PCLO: variants seen among roughly 807,000 people sequenced by gnomAD.
The protein encoded by PCLO is piccolo presynaptic cytomatrix protein.
A neutral mutation model predicts 427.5 loss-of-function variants in PCLO; 82 were observed. The observed-to-expected ratio is 0.19, with a 90% confidence interval of 0.16 to 0.23. The LOEUF is 0.23. PCLO is among the 10% of genes least tolerant of loss of function. The pLI, the probability that PCLO is intolerant of heterozygous loss-of-function variation, is 1.00. For synonymous variants in PCLO, 2,357 were observed against 2,155.4 expected, an observed-to-expected ratio of 1.09 and a Z score of -2.59; for missense variants, 6,239 against 6,115.9, an observed-to-expected ratio of 1.02 and a Z score of -0.67.
chr7:82,756,882 A>T lies in PCLO; in HGVS notation c.*1693T>A, dbSNP rs1583939602. 1.3e-5 allele frequency: 2 copies of T among 152,122 alleles called. No homozygotes were observed. The highest frequency in any genetic ancestry group is 4.8e-5 in the African/African-American group (2 of 41,442). The allele number at this position is 152,122 out of a possible 1,614,324, so 9.4% of individuals were successfully genotyped here. On this transcript the variant is annotated 3_prime_UTR_variant, in exon 25 of 25. Transcript: ENST00000333891. The stretch of plus-strand genomic sequence containing the variant: ...TTAAAGTTTATATTTTAAATAAAAA[A>T]TAAGTTTTGTGGCTAATTTACTGCT...
At chr7:82,924,901 C>T (rs1794678649) in intron 6 of PCLO, among the ~76,000 whole-genome samples, 1 of 152,114 alleles carries the variant, frequency 6.6e-6, no homozygotes, top group South Asian at 2.1e-4. Context: ...CATTTACATA[C>T]TGTTCACTGT....
intron 3 of PCLO, among the ~76,000 whole-genome samples, chr7:83,036,965 A>G (rs1313407589): frequency 6.6e-6 from 1 of 152,106 alleles, no homozygotes; most frequent in East Asian, 1.9e-4. Context: ...TAATGGTTAA[A>G]CAGTGATAAG....
At chr7:83,007,458 T>C (rs1339692773) in intron 3 of PCLO, among the ~76,000 whole-genome samples, 4 of 151,398 alleles carry the variant, frequency 2.6e-5, no homozygotes, top group Non-Finnish European at 5.9e-5. Context: ...AAATGGAAAG[T>C]ACTATATATT....
rs368259583 is a variant in PCLO at position 82,760,695 on chromosome 7, G to C, written c.15232C>G (p.Pro5078Ala). The change falls in exon 24 of 25, where the codon CCT becomes GCT. Residue 5078 changes from proline to alanine, a missense_variant. Coordinates refer to ENST00000333891, the MANE Select transcript of PCLO (RefSeq NM_033026.6). ...AATCGAAAAGTTTCATTAAACGAAG[G>C]CTCTCGATCATGTCTGCATACTCTT... is the stretch of plus-strand genomic sequence containing the variant. The part of the protein sequence containing the change: ...KTRVCRHDRE[P>A]SFNETFRFSL... The C allele has an allele frequency of 3.1e-6, 5 of 1,603,026 alleles. No individual in the cohort carries two copies. The highest frequency in any genetic ancestry group is 4.3e-6 in the Non-Finnish European group (5 of 1,173,116).
chr7:82,869,228 A>T (rs1008435775), intron 10 of PCLO, among the ~76,000 whole-genome samples: 1 of 152,090 alleles, frequency 6.6e-6, no homozygotes, highest in Non-Finnish European at 1.5e-5. Flanking sequence ...TATTGGCATA[A>T]ATTGATAAAA....
intron 3 of PCLO, among the ~76,000 whole-genome samples, chr7:83,018,544 C>T (rs1462197619): frequency 1.3e-5 from 2 of 151,880 alleles, no homozygotes; most frequent in Non-Finnish European, 2.9e-5. Flanking sequence ...GGCTAGAATA[C>T]ATCTGACAAA....
chr7:82,981,024 ATAGT>A (rs1045899749), intron 3 of PCLO, among the ~76,000 whole-genome samples: 14 of 152,174 alleles, frequency 9.2e-5, no homozygotes, highest in South Asian at 2.1e-4. Context: ...AGATGAGTCT[ATAGT>A]TAAAGACCTA....
intron 8 of PCLO, among the ~76,000 whole-genome samples, chr7:82,906,199 C>T (rs1191706066): frequency 2.6e-5 from 4 of 151,920 alleles, no homozygotes; most frequent in Non-Finnish European, 5.9e-5. Context: ...TTCTATGCCT[C>T]TAATGTTTGT....
In PCLO at chr7:82,950,275, T is replaced by C. The variant is rs759505487; in HGVS notation, c.10313A>G (p.Lys3438Arg). The part of the protein sequence containing the change: ...ENMTDDPRSF[K>R]KIVDSGVQTD... The stretch of plus-strand genomic sequence containing the variant: ...TTGTACACCACTGTCCACTATCTTT[T>C]TAAAACTTCGGGGATCATCTGTCAT... Residue 3438 changes from lysine to arginine, a missense_variant, in exon 6 of 25, where the codon AAA (lysine) becomes AGA (arginine). Physicochemically the swap from Lys to Arg is conservative, Grantham distance 26. This residue lies in a region of PCLO where 4,677 missense variants were observed against 4,468.4 expected (regional missense o/e 1.05). Transcript: ENST00000333891. 6.2e-7 allele frequency: 1 copy of C among 1,613,440 alleles called. No individual in the cohort carries two copies. Among genetic ancestry groups the C allele is most frequent in the Non-Finnish European group, 8.5e-7 (1 of 1,179,806 alleles).
rs772603706 is a variant in PCLO, at chr7:82,758,631, T to G, written c.15373A>C (p.Arg5125=). ...ACIWLDKVDL[R]KRIVNWHKLL... Reference sequence around the variant, plus strand: ...TTGTGCCAGTTGACTATTCTTTTTCTGAGATCCACTTTGTCAAGCCAGATA... The same window carrying G: ...TTGTGCCAGTTGACTATTCTTTTTCGGAGATCCACTTTGTCAAGCCAGATA... Residue 5125 remains arginine, a synonymous_variant, in exon 25 of 25, where the codon AGA becomes CGA. Coordinates refer to ENST00000333891, the MANE Select transcript of PCLO (RefSeq NM_033026.6). 6.2e-7 allele frequency: 1 copy of G among 1,611,838 alleles called. No homozygotes were observed. The highest frequency in any genetic ancestry group is 1.7e-5 in the Admixed American group (1 of 59,904).
intron 3 of PCLO, among the ~76,000 whole-genome samples, chr7:83,023,794 G>A (rs1239685206): frequency 6.6e-6 from 1 of 152,168 alleles, no homozygotes; most frequent in Non-Finnish European, 1.5e-5. Context: ...GTGCAGAAGA[G>A]GAGCTAAACT....
intron 3 of PCLO, among the ~76,000 whole-genome samples, chr7:83,131,440 C>T (rs1400038763): frequency 6.6e-6 from 1 of 152,018 alleles, no homozygotes; most frequent in East Asian, 1.9e-4. Flanking sequence ...AGCTTCCCAA[C>T]CAATGACAAA....
At chr7:83,033,727 A>G (rs375011724) in intron 3 of PCLO, among the ~76,000 whole-genome samples, 4 of 152,186 alleles carry the variant, frequency 2.6e-5, no homozygotes, top group East Asian at 3.9e-4. Flanking sequence ...TCTTAGACAT[A>G]TATTAGTTTG....
intron 22 of PCLO, among the ~76,000 whole-genome samples, chr7:82,765,638 A>C (rs969100451): frequency 2.2e-4 from 33 of 152,054 alleles, no homozygotes; most frequent in Admixed American, 2.1e-3. Flanking sequence ...CCTAATACTA[A>C]TTGGCTCACA....
At chr7:83,063,590 G>C (rs957306775) in intron 3 of PCLO, among the ~76,000 whole-genome samples, 10 of 152,082 alleles carry the variant, frequency 6.6e-5, no homozygotes, top group Admixed American at 6.6e-4. Flanking sequence ...GGCAAGGAAG[G>C]CTAGGCTAAA....
intron 2 of PCLO, among the ~76,000 whole-genome samples, chr7:83,144,028 T>A (rs986232419): frequency 2.0e-5 from 3 of 152,244 alleles, no homozygotes; most frequent in Admixed American, 6.5e-5. Flanking sequence ...ATGAACTCAT[T>A]CTATATGCTG....
At chr7:83,115,855 C>G (rs898884006) in intron 3 of PCLO, among the ~76,000 whole-genome samples, 2 of 151,996 alleles carry the variant, frequency 1.3e-5, no homozygotes, top group African/African-American at 4.8e-5. Flanking sequence ...ACTGTCATAT[C>G]ATCCCCCCAA....
chr7:82,904,416 T>G (rs1392727357), intron 8 of PCLO, among the ~76,000 whole-genome samples: 1 of 151,944 alleles, frequency 6.6e-6, no homozygotes, highest in Non-Finnish European at 1.5e-5. Context: ...TTTAAAAATC[T>G]TTATTTTTTA....
At chr7:83,058,368 C>T (rs1205887222) in intron 3 of PCLO, among the ~76,000 whole-genome samples, 1 of 152,060 alleles carries the variant, frequency 6.6e-6, no homozygotes, top group Non-Finnish European at 1.5e-5. Context: ...TTTAATGGTA[C>T]ATAGAGCTGA....
Sources: gnomAD v4.1 joint callset for allele counts (sites outside exome capture counted in the v4.1 genomes callset) on GRCh38, gnomAD v4.1.1 for gene constraint, gnomAD v4.1.1 regional missense constraint, MANE v1.5 for transcripts, NCBI Gene and HGNC (gene_info 2026-07-23, HGNC 2026-07-21) for gene names.